The following ACSS1 variants were observed in gnomAD, a reference collection of about 807,000 sequenced individuals.
ACSS1 encodes acyl-CoA synthetase short chain family member 1, also known as acetyl-coenzyme A synthetase 2-like, mitochondrial.
Under a neutral mutation model 75.3 loss-of-function variants are expected in ACSS1, and 42 were observed. That is an observed-to-expected ratio of 0.56 (90% CI 0.44 to 0.72). The LOEUF (loss-of-function observed/expected upper bound fraction) is 0.72. Ranked by LOEUF, ACSS1 falls within the 30% of genes least tolerant of loss-of-function variation. The pLI is 0.00. For missense variants in ACSS1, 782 were observed against 935.7 expected, an observed-to-expected ratio of 0.84 and a Z score of 2.14; for synonymous variants, 380 against 376.8, an observed-to-expected ratio of 1.01 and a Z score of -0.10.
At chr20:25,025,568 C>A (rs1255285670) in intron 3 of ACSS1, among the ~76,000 whole-genome samples, 1 of 152,196 alleles carries the variant, frequency 6.6e-6, no homozygotes. Context: ...TAGAGTCTCA[C>A]AAGGCCAAAG....
At chr20:25,020,175 G>A in intron 6 of ACSS1, 28 bp from the exon 7 acceptor site, 1 of 1,613,604 alleles carries the variant, frequency 6.2e-7, no homozygotes, top group African/African-American at 1.3e-5. Context: ...TTCACTGTCA[G>A]CAGGAGAGCT....
At position 25,013,942 on chromosome 20, in the gene ACSS1, G is replaced by C. The variant is rs182399293; in HGVS notation, c.1452+19C>G. ...GAGGGCAAGCACATGACCCCCATGT[G>C]GGGGAGGCCCATACACACCTTCTCA... On this transcript the variant is annotated intron_variant, in intron 9 of 13. Transcript: ENST00000323482. 1.6e-5 allele frequency: 26 copies of C among 1,605,078 alleles called. No homozygotes were observed. The highest frequency in any genetic ancestry group is 5.4e-5 in the African/African-American group (4 of 74,728).
At chr20:25,008,099 C>T (rs553607821) in intron 13 of ACSS1, among the ~76,000 whole-genome samples, 158 bp from the exon 14 acceptor site, 19 of 152,298 alleles carry the variant, frequency 1.2e-4, no homozygotes, top group South Asian at 6.2e-4. Flanking sequence ...CGGTGAGGCC[C>T]GAGGTCTTGG....
At chr20:25,008,547 A>C (rs1054661761) in intron 13 of ACSS1, among the ~76,000 whole-genome samples, 1 of 152,186 alleles carries the variant, frequency 6.6e-6, no homozygotes, top group African/African-American at 2.4e-5. Flanking sequence ...CAACTCCTGT[A>C]ATACCAAGTG....
chr20:25,012,979 G>C, intron 10 of ACSS1, 40 bp from the exon 11 acceptor site: 1 of 1,613,424 alleles, frequency 6.2e-7, no homozygotes, highest in Middle Eastern at 1.7e-4. Flanking sequence ...GGAACCCTGA[G>C]CCAGGACCCA....
In ACSS1 at chr20:25,013,568, C is replaced by T. The variant is rs747031189; in HGVS notation, c.1547G>A (p.Arg516Gln). ...MARTIYGDHQ[R>Q]FVDAYFKAYP... The stretch of plus-strand genomic sequence containing the variant: ...GGCCTTGAAGTAGGCGTCCACAAAT[C>T]GCTGGTGGTCGCCATAGATGGTCCT... The change falls in exon 10 of 14, where the codon CGA becomes CAA. Residue 516 changes from arginine (R) to glutamine (Q), a missense_variant. By Grantham distance (43) the Arg-to-Gln change is conservative. Coordinates refer to ENST00000323482, the MANE Select transcript of ACSS1 (RefSeq NM_032501.4). The T allele has an allele frequency of 3.7e-6, 6 of 1,606,636 alleles. No homozygotes were observed. Among genetic ancestry groups the T allele is most frequent in the East Asian group, 2.2e-5 (1 of 44,606 alleles).
At chr20:25,045,926 AT>A (rs1389578954) in intron 2 of ACSS1, 5 of 52,216 alleles carry the variant, frequency 9.6e-5, no homozygotes, top group Admixed American at 3.2e-4. Flanking sequence ...ATTTATTTTT[AT>A]TTTTATTTTT....
intron 2 of ACSS1, among the ~76,000 whole-genome samples, chr20:25,044,856 G>A (rs1391776563): frequency 6.6e-6 from 1 of 152,208 alleles, no homozygotes; most frequent in East Asian, 1.9e-4. Flanking sequence ...CTGGGACCCT[G>A]GAGTCGGGTG....
intron 2 of ACSS1, among the ~76,000 whole-genome samples, chr20:25,037,056 A>T (rs2043639719): frequency 1.3e-5 from 2 of 151,264 alleles, no homozygotes. Flanking sequence ...AAAGAAAGAA[A>T]TTGAGAATGC....
chr20:25,006,617 C>T lies in ACSS1; in HGVS notation c.*1145G>A, dbSNP rs979194381. On this transcript the variant is annotated 3_prime_UTR_variant, in exon 14 of 14. Transcript: ENST00000323482. ...CAAACTCTCCCTCCCCTAAGGGACCCGGCTCACTGGGCCTCCTTCCCCTGC... is the reference window on the plus strand; with the variant it reads ...CAAACTCTCCCTCCCCTAAGGGACCTGGCTCACTGGGCCTCCTTCCCCTGC... 3.9e-5 allele frequency: 21 copies of T among 532,352 alleles called. No homozygotes were observed. The highest frequency in any genetic ancestry group is 4.0e-5 in the Non-Finnish European group (12 of 302,512). The allele number at this position is 532,352 out of a possible 1,614,324, so 33.0% of individuals were successfully genotyped here.
In ACSS1 at chr20:25,058,128, T is replaced by C. The variant is rs2089272585; in HGVS notation, c.-26A>G. 1.6e-6 allele frequency: 2 copies of C among 1,234,928 alleles called. No individual in the cohort carries two copies. 76.5% of individuals were successfully genotyped at this position (1,234,928 alleles called of 1,614,324 possible). A position where few individuals can be genotyped will look rare whatever the true frequency, so the allele number is the denominator to read the frequency against. On this transcript the variant is annotated 5_prime_UTR_variant, in exon 1 of 14. Transcript: ENST00000323482. Reference sequence around the variant, plus strand: ...CTAGGCAGGCTACCTGAGCTCTCTGTGCTCCCAGAGTGGGTGCCTCACGCC... The same window carrying C: ...CTAGGCAGGCTACCTGAGCTCTCTGCGCTCCCAGAGTGGGTGCCTCACGCC...
chr20:25,050,392 C>T (rs2089159182), intron 1 of ACSS1, among the ~76,000 whole-genome samples: 1 of 152,020 alleles, frequency 6.6e-6, no homozygotes, highest in Admixed American at 6.6e-5. Flanking sequence ...ACCCACCATC[C>T]CCCCCGGGAG....
Position 25,023,566 on chromosome 20 carries a change from T to A in ACSS1, c.707A>T (p.Asp236Val). ...GGTGGGGCAGTGCTTCACAGCCTCA[T>A]CCACTATTTTCTTCAGCTCCACCAC... ...GRVVELKKIV[D>V]EAVKHCPTVQ... The change falls in exon 4 of 14, where the codon GAT becomes GTT. Residue 236 changes from aspartate (D) to valine (V), a missense_variant. Asp to Val is a radical substitution (Grantham distance 152). Transcript: ENST00000323482. The A allele has an allele frequency of 1.2e-6, 2 of 1,614,052 alleles. No homozygotes were observed. Among genetic ancestry groups the A allele is most frequent in the South Asian group, 1.1e-5 (1 of 91,072 alleles).
intron 2 of ACSS1, 58 bp from the exon 3 acceptor site, chr20:25,031,016 G>GT (rs749415910): frequency 6.4e-7 from 1 of 1,562,706 alleles, no homozygotes; most frequent in African/African-American, 1.4e-5. Flanking sequence ...ATGCAGAGCA[G>GT]TTTGGGGGTG....
intron 2 of ACSS1, among the ~76,000 whole-genome samples, chr20:25,036,817 G>T (rs1028758683): frequency 6.6e-6 from 1 of 151,878 alleles, no homozygotes; most frequent in South Asian, 2.1e-4. Flanking sequence ...TTAGCCAGGC[G>T]TGGTGCTGCA....
chr20:25,022,912 G>C, intron 5 of ACSS1, 28 bp downstream of exon 5: 1 of 1,581,348 alleles, frequency 6.3e-7, no homozygotes, highest in African/African-American at 1.3e-5. Context: ...CCTGCCAAGG[G>C]CCCAGCACCG....
chr20:25,052,738 T>G (rs1273082588), intron 1 of ACSS1, among the ~76,000 whole-genome samples: 2 of 152,230 alleles, frequency 1.3e-5, no homozygotes, highest in Non-Finnish European at 2.9e-5. Flanking sequence ...GCCATGAGGA[T>G]GCGACAAGCC....
In ACSS1 at chr20:25,007,768, A is replaced by C. The variant is rs1228533624; in HGVS notation, c.2064T>G (p.Ala688=). ...AGCCCCACAAGGTGCCAGCTCACTT[A>C]GCAGCAGCCTGCTTGTCCTTGCACT... The part of the protein sequence containing the change: ...YQKCKDKQAA[A]K The change falls in exon 14 of 14, where the codon GCT becomes GCG. Residue 688 remains alanine, a synonymous_variant. Transcript: ENST00000323482. 1 of 1,614,000 alleles carries C rather than the reference A, an allele frequency of 6.2e-7. No individual in the cohort carries two copies.
At chr20:25,038,237 C>T (rs6050266) in intron 2 of ACSS1, among the ~76,000 whole-genome samples, 17,889 of 152,132 alleles carry the variant, frequency 0.12, 2,264 homozygotes, top group African/African-American at 0.31. Flanking sequence ...CTGTGGAAAG[C>T]GCTGAACCTG....
Sources: allele counts gnomAD v4.1 joint callset (sites outside exome capture counted in the v4.1 genomes callset), GRCh38; gene constraint gnomAD v4.1.1; transcripts MANE v1.5; gene names NCBI Gene and HGNC (gene_info 2026-07-23, HGNC 2026-07-21).